Variants in CNTNAP2 observed in about 807,000 individuals in gnomAD.
The protein encoded by CNTNAP2 is contactin-associated protein-like 2.
CNTNAP2 carries 98 observed loss-of-function variants against 155.2 expected under a neutral mutation model. The ratio of observed to expected loss-of-function variants is 0.63; its 90% CI spans 0.54 to 0.75. The LOEUF (loss-of-function observed/expected upper bound fraction) is 0.75. Ranked by LOEUF, CNTNAP2 falls within the 30% of genes least tolerant of loss-of-function variation. CNTNAP2 has a pLI of 0.00. For synonymous variants in CNTNAP2, 651 were observed against 631.2 expected, an observed-to-expected ratio of 1.03 and a Z score of -0.47; for missense variants, 1,727 against 1,688.1, an observed-to-expected ratio of 1.02 and a Z score of -0.40.
Position 147,500,559 on chromosome 7 carries a change from A to G in CNTNAP2, c.1777+14518A>G, listed in dbSNP as rs79356408. ...AACACAAATGCCTATCCCACTGCTTAGTGCTTGGTAAGTATTAAATACAAT... is the reference window on the plus strand; with the variant it reads ...AACACAAATGCCTATCCCACTGCTTGGTGCTTGGTAAGTATTAAATACAAT... On this transcript the variant is annotated intron_variant, in intron 11 of 23. Coordinates refer to ENST00000361727, the MANE Select transcript of CNTNAP2 (RefSeq NM_014141.6). Among the ~76,000 whole-genome samples, 120 of 152,270 alleles carry G rather than the reference A, an allele frequency of 7.9e-4. 3 individuals carry two copies. The highest frequency in any genetic ancestry group is 2.7e-3 in the African/African-American group (111 of 41,550).
intron 14 of CNTNAP2, among the ~76,000 whole-genome samples, chr7:147,956,901 G>T (rs1285333740): frequency 6.6e-6 from 1 of 152,198 alleles, no homozygotes; most frequent in Non-Finnish European, 1.5e-5. Flanking sequence ...TAAAGAAAGT[G>T]ATAGGGTTGT....
At chr7:147,358,953 A>G (rs1221955742) in intron 9 of CNTNAP2, among the ~76,000 whole-genome samples, 4 of 152,146 alleles carry the variant, frequency 2.6e-5, no homozygotes, top group African/African-American at 9.7e-5. Context: ...TTTGGGCACC[A>G]TAGTGTTTTC....
chr7:147,347,372 G>T (rs1326173422), intron 9 of CNTNAP2, among the ~76,000 whole-genome samples: 1 of 146,280 alleles, frequency 6.8e-6, no homozygotes, highest in Admixed American at 6.9e-5. Context: ...TGATGCTGAT[G>T]GGCACCAGAG....
chr7:147,746,619 G>A (rs1220262397), intron 13 of CNTNAP2, among the ~76,000 whole-genome samples: 2 of 152,040 alleles, frequency 1.3e-5, no homozygotes, highest in Non-Finnish European at 2.9e-5. Flanking sequence ...CCCTGGGGAA[G>A]CTTTCTTGGC....
intron 13 of CNTNAP2, among the ~76,000 whole-genome samples, chr7:147,805,371 C>T (rs1563095742): frequency 3.3e-5 from 5 of 152,178 alleles, no homozygotes; most frequent in African/African-American, 7.2e-5. Flanking sequence ...CATCTAAAAA[C>T]AAGGATAATT....
At chr7:148,400,257 CG>C (rs1046384498) in intron 22 of CNTNAP2, among the ~76,000 whole-genome samples, 22 of 152,348 alleles carry the variant, frequency 1.4e-4, no homozygotes, top group African/African-American at 4.6e-4. Context: ...CAGCCCCTTC[CG>C]GGGCACCCTG....
intron 1 of CNTNAP2, among the ~76,000 whole-genome samples, chr7:146,605,937 T>A (rs747808442): frequency 6.6e-6 from 1 of 152,156 alleles, no homozygotes; most frequent in Non-Finnish European, 1.5e-5. Context: ...GAGAATAAGA[T>A]TTCCATTGAC....
At chr7:146,671,807 T>A (rs1052104156) in intron 1 of CNTNAP2, among the ~76,000 whole-genome samples, 3 of 151,990 alleles carry the variant, frequency 2.0e-5, no homozygotes, top group Admixed American at 1.3e-4. Flanking sequence ...TTTCTTTTTT[T>A]TATTTTGTTT....
chr7:147,991,234 A>C (rs1801706024), intron 15 of CNTNAP2, among the ~76,000 whole-genome samples: 2 of 152,200 alleles, frequency 1.3e-5, no homozygotes, highest in Admixed American at 1.3e-4. Flanking sequence ...CTCAGGCAGA[A>C]GTCTGTATCA....
intron 3 of CNTNAP2, among the ~76,000 whole-genome samples, chr7:146,953,683 A>G (rs537024525): frequency 6.6e-6 from 1 of 152,042 alleles, no homozygotes; most frequent in East Asian, 1.9e-4. Flanking sequence ...GAACTTGTTG[A>G]AAATGGAGAT....
intron 1 of CNTNAP2, among the ~76,000 whole-genome samples, chr7:146,709,488 G>T (rs971451480): frequency 6.6e-6 from 1 of 152,170 alleles, no homozygotes; most frequent in African/African-American, 2.4e-5. Flanking sequence ...TTCTGAGAAT[G>T]GGCCAGTTCT....
intron 3 of CNTNAP2, among the ~76,000 whole-genome samples, chr7:146,895,832 A>G (rs1231669675): frequency 6.6e-6 from 1 of 152,072 alleles, no homozygotes; most frequent in East Asian, 1.9e-4. Context: ...AGCTATTTTG[A>G]GCTTCAGTCC....
At chr7:146,168,128 C>T (rs1421198561) in intron 1 of CNTNAP2, among the ~76,000 whole-genome samples, 1 of 152,148 alleles carries the variant, frequency 6.6e-6, no homozygotes, top group Non-Finnish European at 1.5e-5. Flanking sequence ...GGTGCCCACC[C>T]AGATTGAGGG....
chr7:146,539,726 C>CT (rs1797922827), intron 1 of CNTNAP2, among the ~76,000 whole-genome samples: 1 of 152,010 alleles, frequency 6.6e-6, no homozygotes, highest in South Asian at 2.1e-4. Context: ...AAGGGACACT[C>CT]TTTTTTCTTT....
intron 13 of CNTNAP2, among the ~76,000 whole-genome samples, chr7:147,728,871 A>T (rs1159436388): frequency 1.3e-5 from 2 of 151,886 alleles, no homozygotes; most frequent in East Asian, 3.9e-4. Context: ...TCTGGTTTTT[A>T]TACCAAGTGT....
At chr7:147,224,081 T>C (rs1445078513) in intron 8 of CNTNAP2, among the ~76,000 whole-genome samples, 2 of 152,226 alleles carry the variant, frequency 1.3e-5, no homozygotes, top group Non-Finnish European at 2.9e-5. Context: ...AGGTTTTTGC[T>C]TCAGCATGTT....
intron 14 of CNTNAP2, among the ~76,000 whole-genome samples, chr7:147,915,761 G>A (rs1800148286): frequency 7.9e-6 from 1 of 126,086 alleles, no homozygotes; most frequent in African/African-American, 2.9e-5. Flanking sequence ...GGGCGGGGGT[G>A]AAGAAGAAGA....
chr7:146,479,877 C>T (rs972716906), intron 1 of CNTNAP2, among the ~76,000 whole-genome samples: 1 of 152,226 alleles, frequency 6.6e-6, no homozygotes, highest in South Asian at 2.1e-4. Context: ...CTCTGCCTCC[C>T]GTGTTCAAAC....
At chr7:147,793,888 A>G (rs1176495211) in intron 13 of CNTNAP2, among the ~76,000 whole-genome samples, 2 of 152,092 alleles carry the variant, frequency 1.3e-5, no homozygotes, top group African/African-American at 2.4e-5. Flanking sequence ...CCTTTTTGCT[A>G]TATTTAGTCC....
Sources: allele counts gnomAD v4.1 joint callset (sites outside exome capture counted in the v4.1 genomes callset), GRCh38; gene constraint gnomAD v4.1.1; transcripts MANE v1.5; gene names NCBI Gene and HGNC (gene_info 2026-07-23, HGNC 2026-07-21).